Variants in DNAH1 observed in about 807,000 individuals in gnomAD.
DNAH1 encodes the protein dynein axonemal heavy chain 1, also known as axonemal beta dynein heavy chain 1.
In DNAH1, 327 loss-of-function variants were observed where a neutral mutation model predicts 484.3. That is an observed-to-expected ratio of 0.68 (90% CI 0.62 to 0.74). The LOEUF (loss-of-function observed/expected upper bound fraction) is 0.74, where lower values mean the gene tolerates loss of function less well. Among genes scored for constraint, DNAH1 ranks in the 30% least tolerant of loss-of-function variants. The pLI, the probability that DNAH1 is intolerant of heterozygous loss-of-function variation, is 0.00. For synonymous variants in DNAH1, 2,192 were observed against 2,191.9 expected, an observed-to-expected ratio of 1.00 and a Z score of 0.00; for missense variants, 5,052 against 5,546.8, an observed-to-expected ratio of 0.91 and a Z score of 2.83.
intron 52 of DNAH1, 63 bp from the exon 53 acceptor site, chr3:52,384,723 C>T: frequency 5.4e-6 from 8 of 1,469,542 alleles, no homozygotes; most frequent in Non-Finnish European, 7.2e-6. Flanking sequence ...TGGCTGTGGG[C>T]ACCCAGTCCC....
chr3:52,399,574 A>G lies in DNAH1; in HGVS notation c.12471A>G (p.Thr4157=). 6.2e-7 allele frequency: 1 copy of G among 1,613,230 alleles called. No homozygotes were observed. The highest frequency in any genetic ancestry group is 8.5e-7 in the Non-Finnish European group (1 of 1,179,330). ...KVMFEAPSEL[T]QRPQVGCYIH... ...TGTTTGAGGCACCATCAGAGTTAAC[A>G]CAAAGACCCCAAGTAGGGTGCTATA... The change falls in exon 77 of 78, where the codon ACA becomes ACG. Residue 4157 remains threonine (T), a synonymous_variant. Coordinates refer to ENST00000420323, the MANE Select transcript of DNAH1 (RefSeq NM_015512.5).
Position 52,353,429 on chromosome 3 carries a change from A to G in DNAH1, c.3276A>G (p.Lys1092=). 6.2e-7 allele frequency: 1 copy of G among 1,613,846 alleles called. No individual in the cohort carries two copies. The highest frequency in any genetic ancestry group is 8.5e-7 in the Non-Finnish European group (1 of 1,179,864). The change falls in exon 20 of 78, where the codon AAA becomes AAG. Residue 1092 remains lysine (K), a synonymous_variant. Coordinates refer to ENST00000420323, the MANE Select transcript of DNAH1 (RefSeq NM_015512.5). The surrounding 1 kb of genome is among the most constrained non-coding windows in gnomAD (Gnocchi z 5.0). The part of the protein sequence containing the change: ...LDIRARIEEF[K]PYIPLIQGLR... ...TCCGGGCCCGCATCGAGGAGTTCAA[A>G]CCATACATCCCACTGATCCAGGGGC...
Position 52,396,790 on chromosome 3 carries a change from C to T in DNAH1, c.11603C>T (p.Pro3868Leu). Residue 3868 changes from proline to leucine, a missense_variant, in exon 72 of 78, where the codon CCC becomes CTC. By Grantham distance (98) the Pro-to-Leu change is moderately conservative. This residue lies in a region of DNAH1 where 853 missense variants were observed against 899.0 expected (regional missense o/e 0.95). Coordinates refer to ENST00000420323, the MANE Select transcript of DNAH1 (RefSeq NM_015512.5). ...TTCCTGGACGAATATGATGACATCCCCTACAAGGTGGGCCTGGGGCAGACT... is the reference window on the plus strand; with the variant it reads ...TTCCTGGACGAATATGATGACATCCTCTACAAGGTGGGCCTGGGGCAGACT... Reference protein sequence around the residue: ...KMFLDEYDDIPYKVLKYTAGE... With the variant: ...KMFLDEYDDILYKVLKYTAGE... 1.9e-6 allele frequency: 3 copies of T among 1,613,434 alleles called. No homozygotes were observed. The highest frequency in any genetic ancestry group is 2.5e-6 in the Non-Finnish European group (3 of 1,179,702).
rs1578189782 is a variant in DNAH1 at position 52,386,654 on chromosome 3, G to T, written c.8812-8G>T. 1.3e-6 allele frequency: 2 copies of T among 1,559,822 alleles called. No homozygotes were observed. The highest frequency in any genetic ancestry group is 1.7e-6 in the Non-Finnish European group (2 of 1,152,066). ...TGAGTCTTCCCCACTTGGTGGCTGG[G>T]CCTGCAGGTACGTGCCATGCAGCGG... On this transcript the variant is annotated splice_region_variant and splice_polypyrimidine_tract_variant and intron_variant, in intron 55 of 77. Coordinates refer to ENST00000420323, the MANE Select transcript of DNAH1 (RefSeq NM_015512.5).
chr3:52,325,992 TCCCAGCCACTG>T (rs1423821204), intron 3 of DNAH1, 137 bp from the exon 4 acceptor site: 2 of 745,300 alleles, frequency 2.7e-6, no homozygotes, highest in Admixed American at 7.2e-5. Context: ...GCCTGTGTTC[TCCCAGCCACTG>T]CCCAGCCACA....
chr3:52,375,206 C>G (rs2153224908), intron 44 of DNAH1, 34 bp from the exon 45 acceptor site: 1 of 1,571,972 alleles, frequency 6.4e-7, no homozygotes, highest in Non-Finnish European at 8.6e-7. Flanking sequence ...CAGCCCTGGC[C>G]AGGGCCCTTC....
chr3:52,378,097 G>A (rs1388334028), intron 46 of DNAH1, among the ~76,000 whole-genome samples: 1 of 152,140 alleles, frequency 6.6e-6, no homozygotes, highest in Non-Finnish European at 1.5e-5. Flanking sequence ...TCAAAGAACA[G>A]GCCGATAGGT....
intron 43 of DNAH1, 68 bp from the exon 44 acceptor site, chr3:52,372,828 G>C (rs570282112): frequency 3.2e-6 from 5 of 1,540,000 alleles, no homozygotes; most frequent in Non-Finnish European, 4.4e-6. Flanking sequence ...GCTGCCACCC[G>C]TTCGCCCCTG....
chr3:52,385,355 G>A lies in DNAH1; in HGVS notation c.8533G>A (p.Asp2845Asn), dbSNP rs1341817273. The A allele has an allele frequency of 1.9e-6, 3 of 1,552,474 alleles. No individual in the cohort carries two copies. The Admixed American group carries it at 5.9e-5, about 30-fold the overall frequency. Residue 2845 changes from aspartate (D) to asparagine (N), a missense_variant, in exon 54 of 78, where the codon GAT becomes AAT. Coordinates refer to ENST00000420323, the MANE Select transcript of DNAH1 (RefSeq NM_015512.5). Reference sequence around the variant, plus strand: ...CCCCTAGCTGCTGCGCACTTCTGAGGATGTAGCCAAGATGCAGGAGGACCT... The same window carrying A: ...CCCCTAGCTGCTGCGCACTTCTGAGAATGTAGCCAAGATGCAGGAGGACCT... The part of the protein sequence containing the change: ...GLDKLLRTSE[D>N]VAKMQEDLES...
At chr3:52,334,408 A>G (rs373376787) in intron 8 of DNAH1, among the ~76,000 whole-genome samples, 1 of 152,354 alleles carries the variant, frequency 6.6e-6, no homozygotes, top group East Asian at 1.9e-4. Context: ...ATTACTATAC[A>G]CTACTGCGGA....
At chr3:52,347,790 C>A (rs1334573506) in intron 11 of DNAH1, 34 bp from the exon 12 acceptor site, 1 of 1,537,300 alleles carries the variant, frequency 6.5e-7, no homozygotes, top group South Asian at 1.2e-5. Flanking sequence ...GCCTCCTAGG[C>A]CTCTGCCCAC....
At chr3:52,321,326 G>A (rs532947889) in intron 1 of DNAH1, among the ~76,000 whole-genome samples, 105 of 152,216 alleles carry the variant, frequency 6.9e-4, no homozygotes, top group African/African-American at 2.4e-3. Context: ...GTGTTGGTCA[G>A]GCTGGTCTCA....
In DNAH1 at chr3:52,326,717, C is replaced by T. The variant is rs1402907037; in HGVS notation, c.582-18C>T. 1.9e-6 allele frequency: 3 copies of T among 1,574,034 alleles called. No individual in the cohort carries two copies. Among genetic ancestry groups the T allele is most frequent in the African/African-American group, 1.3e-5 (1 of 74,082 alleles). ...ACGAGCCAAGCCATCCTGAGGTCCC[C>T]TCCCTGCCCTTGACCAGGAGGAAAC... On this transcript the variant is annotated intron_variant, in intron 4 of 77. Transcript: ENST00000420323.
At chr3:52,327,141 C>T (rs937837922) in intron 5 of DNAH1, among the ~76,000 whole-genome samples, 2 of 151,782 alleles carry the variant, frequency 1.3e-5, no homozygotes, top group East Asian at 1.9e-4. Context: ...TGCCTGGCCT[C>T]GGCCTCCGTG....
At chr3:52,335,609 C>G (rs1290981281) in intron 8 of DNAH1, among the ~76,000 whole-genome samples, 2 of 151,282 alleles carry the variant, frequency 1.3e-5, no homozygotes, top group Non-Finnish European at 3.0e-5. Flanking sequence ...GCACCCGGCC[C>G]TTTTGCTCTT....
Position 52,399,207 on chromosome 3 carries a change from G to A in DNAH1, c.12441+6G>A. 1 of 1,596,686 alleles carries A rather than the reference G, an allele frequency of 6.3e-7. No homozygotes were observed. The highest frequency in any genetic ancestry group is 8.5e-7 in the Non-Finnish European group (1 of 1,170,250). ...CCATCTCCTTTGATTTCAAGGTCTG[G>A]GCACAGCCAGGGCCAGGTCAGGTGA... On this transcript the variant is annotated splice_donor_region_variant and intron_variant, in intron 76 of 77. Coordinates refer to ENST00000420323, the MANE Select transcript of DNAH1 (RefSeq NM_015512.5).
rs768083246 is a variant in DNAH1 at position 52,396,604 on chromosome 3, C to G, written c.11431-14C>G. The stretch of plus-strand genomic sequence containing the variant: ...TCCCCGCTCCTCACCTCCCCTGCCT[C>G]CCACCTCCCCCAGGTGATGGAGTTC... On this transcript the variant is annotated splice_polypyrimidine_tract_variant and intron_variant, in intron 71 of 77. Transcript: ENST00000420323. The G allele has an allele frequency of 7.4e-6, 12 of 1,610,862 alleles. 1 individual carries two copies. The South Asian group carries it at 1.3e-4, about 18-fold the overall frequency.
chr3:52,337,457 C>T (rs184783726), intron 8 of DNAH1, among the ~76,000 whole-genome samples: 1 of 152,278 alleles, frequency 6.6e-6, no homozygotes, highest in East Asian at 1.9e-4. Flanking sequence ...CATTTTAGAT[C>T]AGTTTCTTAC....
intron 55 of DNAH1, 90 bp downstream of exon 55, chr3:52,386,435 G>A (rs1704113951): frequency 2.1e-6 from 3 of 1,441,388 alleles, no homozygotes; most frequent in African/African-American, 2.9e-5. Flanking sequence ...CCAGCAGCCT[G>A]CCCCACCCTC....
Sources: gnomAD v4.1 joint callset for allele counts (sites outside exome capture counted in the v4.1 genomes callset) on GRCh38, gnomAD v4.1.1 for gene constraint, gnomAD v4.1.1 regional missense constraint, Gnocchi (gnomAD v3.1) non-coding constraint, MANE v1.5 for transcripts, NCBI Gene and HGNC (gene_info 2026-07-23, HGNC 2026-07-21) for gene names.